The following HDAC4 variants were observed in gnomAD, a reference collection of about 807,000 sequenced individuals.
HDAC4 encodes histone deacetylase 4, also known as histone deacetylase A.
Under a neutral mutation model 135.1 loss-of-function variants are expected in HDAC4, and 16 were observed. That is an observed-to-expected ratio of 0.12 (90% CI 0.08 to 0.18). HDAC4 has a LOEUF of 0.18. HDAC4 is among the 10% of genes least tolerant of loss of function. The pLI is 1.00. For missense variants in HDAC4, 1,143 were observed against 1,511.8 expected, an observed-to-expected ratio of 0.76 and a Z score of 4.05; for synonymous variants, 685 against 653.4, an observed-to-expected ratio of 1.05 and a Z score of -0.74.
chr2:239,289,960 T>C (rs1028268171), intron 2 of HDAC4, among the ~76,000 whole-genome samples: 1 of 152,276 alleles, frequency 6.6e-6, no homozygotes, highest in African/African-American at 2.4e-5. Flanking sequence ...TTACTCACCA[T>C]TTTTGAGTTA....
chr2:239,329,461 G>A lies in HDAC4; in HGVS notation c.22+23217C>T, dbSNP rs1056153920. Among the ~76,000 whole-genome samples, 8 of 152,180 alleles carry A rather than the reference G, an allele frequency of 5.3e-5. No homozygotes were observed. In the South Asian group the frequency reaches 6.2e-4, roughly 12 times the overall value. ...GGGCTGGGAGGGCAGGGGCCACGTC[G>A]GGCCAGCAGCTCCTCTCCAGCTTTC... On this transcript the variant is annotated intron_variant, in intron 2 of 26. Transcript: ENST00000543185.
intron 3 of HDAC4, among the ~76,000 whole-genome samples, chr2:239,206,938 T>A (rs997783753): frequency 2.0e-5 from 3 of 152,134 alleles, no homozygotes; most frequent in Non-Finnish European, 4.4e-5. Flanking sequence ...GGCACTAGAA[T>A]GTTATTGATG....
rs756845418 is a variant in HDAC4, at chr2:239,349,522, C to T, written c.22+3156G>A. Among the ~76,000 whole-genome samples, 5 of 152,180 alleles carry T rather than the reference C, an allele frequency of 3.3e-5. No homozygotes were observed. Among genetic ancestry groups the T allele is most frequent in the African/African-American group, 1.2e-4 (5 of 41,434 alleles). ...TGACAAGAAACACAGAGGAACTTCC[C>T]GAAACTAGAGATCTCTGGGGATGGA... On this transcript the variant is annotated intron_variant, in intron 2 of 26. Transcript: ENST00000543185. The surrounding 1 kb of genome is among the most constrained non-coding windows in gnomAD (Gnocchi z 5.7).
At chr2:239,104,007 C>T (rs921215407) in intron 15 of HDAC4, among the ~76,000 whole-genome samples, 10 of 150,660 alleles carry the variant, frequency 6.6e-5, no homozygotes, top group Non-Finnish European at 1.2e-4. Flanking sequence ...TCCACAAAAC[C>T]GGGCTTCCTC....
intron 19 of HDAC4, among the ~76,000 whole-genome samples, chr2:239,087,014 G>A (rs2036037055): frequency 6.6e-6 from 1 of 152,154 alleles, no homozygotes; most frequent in African/African-American, 2.4e-5. Flanking sequence ...GGACACACAG[G>A]GATGGATCCG....
chr2:239,103,886 A>G (rs1422012655), intron 15 of HDAC4, among the ~76,000 whole-genome samples: 1 of 152,256 alleles, frequency 6.6e-6, no homozygotes, highest in Admixed American at 6.5e-5. Context: ...GTGGAGGAAG[A>G]AGGGGCGGAG....
chr2:239,186,325 T>A (rs2044548329), intron 4 of HDAC4, among the ~76,000 whole-genome samples: 1 of 152,358 alleles, frequency 6.6e-6, no homozygotes, highest in East Asian at 1.9e-4. Flanking sequence ...CTAATTAGAT[T>A]TTGTGTTCAA....
intron 3 of HDAC4, among the ~76,000 whole-genome samples, chr2:239,217,300 C>A (rs564236131): frequency 5.5e-4 from 84 of 152,294 alleles, no homozygotes; most frequent in Non-Finnish European, 7.8e-4. Context: ...TCTTCAAACC[C>A]AACTTTCCAA....
intron 2 of HDAC4, among the ~76,000 whole-genome samples, chr2:239,253,369 C>T (rs946244618): frequency 6.6e-6 from 1 of 152,182 alleles, no homozygotes; most frequent in Non-Finnish European, 1.5e-5. Flanking sequence ...CTGTTATGAC[C>T]GATGTCACAT....
chr2:239,071,117 G>A (rs1022046835), intron 22 of HDAC4, among the ~76,000 whole-genome samples: 2 of 152,062 alleles, frequency 1.3e-5, no homozygotes, highest in African/African-American at 4.8e-5. Flanking sequence ...AGGACTCTTG[G>A]TGGCGGCGGA....
At chr2:239,201,879 C>G (rs1040784214) in intron 3 of HDAC4, among the ~76,000 whole-genome samples, 1 of 152,216 alleles carries the variant, frequency 6.6e-6, no homozygotes, top group Non-Finnish European at 1.5e-5. Context: ...ACTCAAAGCA[C>G]CTTCCAAATC....
intron 12 of HDAC4, among the ~76,000 whole-genome samples, chr2:239,119,285 G>A (rs535872781): frequency 1.7e-4 from 26 of 152,296 alleles, no homozygotes; most frequent in Admixed American, 7.8e-4. Flanking sequence ...GGCACAGAGC[G>A]CTGAGGACAA....
rs2052374258 is a variant in HDAC4 at position 239,303,220 on chromosome 2, G to A, written c.22+49458C>T. 6.6e-6 allele frequency among the ~76,000 whole-genome samples: 1 copy of A among 152,248 alleles called. No homozygotes were observed. Among genetic ancestry groups the A allele is most frequent in the Admixed American group, 6.5e-5 (1 of 15,292 alleles). ...CCCGGCTGCTCAGGCCTGGGGACAG[G>A]AGGGCACAGGGACAGGCCTGGAGGA... On this transcript the variant is annotated intron_variant, in intron 2 of 26. Transcript: ENST00000543185. The surrounding 1 kb of genome is among the most constrained non-coding windows in gnomAD (Gnocchi z 5.1).
At chr2:239,315,333 G>C (rs1385340236) in intron 2 of HDAC4, among the ~76,000 whole-genome samples, 1 of 152,118 alleles carries the variant, frequency 6.6e-6, no homozygotes, top group Non-Finnish European at 1.5e-5. Flanking sequence ...CCTTAAGCTT[G>C]GCTAAACAAA....
rs2030514769 is a variant in HDAC4, at chr2:239,049,613, ATT to A, written c.*3482_*3483del. 1 of 152,614 alleles carries A rather than the reference ATT, an allele frequency of 6.6e-6. No individual in the cohort carries two copies. Among genetic ancestry groups the A allele is most frequent in the South Asian group, 2.1e-4 (1 of 4,838 alleles). 9.5% of individuals were successfully genotyped at this position (152,614 alleles called of 1,614,324 possible). ...ATCAAAAAGAAAAACAACAAAGTCC[ATT>A]GCTAGTGCTGCAAAAATCAAACTTG... On this transcript the variant is annotated 3_prime_UTR_variant, in exon 27 of 27. Transcript: ENST00000543185.
rs563186207 is a variant in HDAC4 at position 239,301,673 on chromosome 2, G to A, written c.22+51005C>T. Among the ~76,000 whole-genome samples the A allele has an allele frequency of 7.9e-5, 12 of 152,092 alleles. No homozygotes were observed. In the South Asian group the frequency reaches 2.3e-3, roughly 29 times the overall value. On this transcript the variant is annotated intron_variant, in intron 2 of 26. Coordinates refer to ENST00000543185, the MANE Select transcript of HDAC4 (RefSeq NM_001378414.1). ...TGTTTTTAATCTTTTCTGTAGAGAGGAGGTGTTCCTATGTTGTCCAGATTG... is the reference window on the plus strand; with the variant it reads ...TGTTTTTAATCTTTTCTGTAGAGAGAAGGTGTTCCTATGTTGTCCAGATTG...
intron 2 of HDAC4, among the ~76,000 whole-genome samples, chr2:239,292,023 GGCCCAGCTCGGCCCAGCTCA>G (rs2051539916): frequency 6.6e-6 from 1 of 151,614 alleles, no homozygotes; most frequent in African/African-American, 2.4e-5. Context: ...CTGCGCGCAC[GGCCCAGCTCGGCCCAGCTCA>G]GCCCAGCTCA....
In HDAC4 at chr2:239,309,539, G is replaced by A. The variant is rs1251881358; in HGVS notation, c.22+43139C>T. 3.9e-5 allele frequency among the ~76,000 whole-genome samples: 6 copies of A among 152,230 alleles called. No homozygotes were observed. Among genetic ancestry groups the A allele is most frequent in the African/African-American group, 9.6e-5 (4 of 41,466 alleles). On this transcript the variant is annotated intron_variant, in intron 2 of 26. Coordinates refer to ENST00000543185, the MANE Select transcript of HDAC4 (RefSeq NM_001378414.1). The surrounding 1 kb of genome is among the most constrained non-coding windows in gnomAD (Gnocchi z 4.2). ...CCACATCCGAGTTAGAGGGAAATAC[G>A]ATTTATCTCTGGCCTGCATTTACTT... is the stretch of plus-strand genomic sequence containing the variant.
intron 2 of HDAC4, among the ~76,000 whole-genome samples, chr2:239,272,717 A>C: frequency 6.6e-6 from 1 of 151,954 alleles, no homozygotes; most frequent in African/African-American, 2.4e-5. Flanking sequence ...ATCTGCACTC[A>C]CCCCCAATGC....
Sources: gnomAD v4.1 joint callset for allele counts (sites outside exome capture counted in the v4.1 genomes callset) on GRCh38, gnomAD v4.1.1 for gene constraint, Gnocchi (gnomAD v3.1) non-coding constraint, MANE v1.5 for transcripts, NCBI Gene and HGNC (gene_info 2026-07-23, HGNC 2026-07-21) for gene names.